PTPRD: variants seen among roughly 807,000 people sequenced by gnomAD.
PTPRD encodes the protein protein tyrosine phosphatase receptor type D, also known as receptor-type tyrosine-protein phosphatase delta.
PTPRD carries 34 observed loss-of-function variants against 214.5 expected under a neutral mutation model. The observed-to-expected ratio is 0.16, with a 90% confidence interval of 0.12 to 0.21. The LOEUF (loss-of-function observed/expected upper bound fraction) is 0.21. PTPRD is among the 10% of genes least tolerant of loss of function. PTPRD has a pLI of 1.00. For missense variants in PTPRD, 2,545 were observed against 2,398.7 expected (o/e 1.06, Z -1.27); for synonymous variants, 1,128 against 845.7 (o/e 1.33, Z -5.79).
chr9:10,412,540 G>T (rs10959097), intron 2 of PTPRD, among the ~76,000 whole-genome samples: 84,205 of 150,978 alleles, frequency 0.56, 25,963 homozygotes, highest in Non-Finnish European at 0.71. Flanking sequence ...AAAAATTGAG[G>T]CTGGACACTT....
intron 7 of PTPRD, among the ~76,000 whole-genome samples, chr9:9,592,403 A>C (rs945742494): frequency 6.6e-6 from 1 of 152,104 alleles, no homozygotes; most frequent in Non-Finnish European, 1.5e-5. Context: ...ATGTATGCTT[A>C]TATGTTCATA....
chr9:9,420,694 C>T (rs568238411), intron 8 of PTPRD, among the ~76,000 whole-genome samples: 1 of 151,840 alleles, frequency 6.6e-6, no homozygotes, highest in African/African-American at 2.4e-5. Flanking sequence ...GTACTCACCT[C>T]TGCATGTATA....
chr9:8,696,732 C>T (rs1170962852), intron 12 of PTPRD, among the ~76,000 whole-genome samples: 1 of 152,182 alleles, frequency 6.6e-6, no homozygotes, highest in Non-Finnish European at 1.5e-5. Context: ...GCTAGGTCAA[C>T]CAACGGCCTT....
intron 12 of PTPRD, among the ~76,000 whole-genome samples, chr9:8,638,761 A>G (rs2096504407): frequency 6.6e-6 from 1 of 152,218 alleles, no homozygotes; most frequent in African/African-American, 2.4e-5. Context: ...CATAACCTGT[A>G]GCATCTCAGT....
chr9:8,930,230 C>A (rs975027909), intron 11 of PTPRD, among the ~76,000 whole-genome samples: 5 of 151,316 alleles, frequency 3.3e-5, no homozygotes, highest in African/African-American at 1.2e-4. Context: ...TTTGTCCTTG[C>A]GATAGTTTGC....
At position 8,633,333 on chromosome 9, in the gene PTPRD, T is replaced by C. The variant is rs1564854554; in HGVS notation, c.336A>G (p.Arg112=). 2 of 1,611,722 alleles carry C rather than the reference T, an allele frequency of 1.2e-6. No homozygotes were observed. The highest frequency in any genetic ancestry group is 1.7e-6 in the Non-Finnish European group (2 of 1,178,676). ...NNVGEISVST[R]LTVLREDQIP... ...AGCACTTACCCCGCAAAACTGTGAG[T>C]CTGGTGGATACACTTATTTCTCCCA... is the stretch of plus-strand genomic sequence containing the variant. Residue 112 remains arginine (R), a synonymous_variant, in exon 14 of 46, where the codon AGA becomes AGG. Coordinates refer to ENST00000381196, the MANE Select transcript of PTPRD (RefSeq NM_002839.4).
At chr9:8,745,218 T>C (rs1290783626) in intron 11 of PTPRD, among the ~76,000 whole-genome samples, 2 of 152,150 alleles carry the variant, frequency 1.3e-5, no homozygotes, top group Non-Finnish European at 2.9e-5. Flanking sequence ...ATTAATAACC[T>C]CAAAATGCAC....
chr9:10,207,374 G>T (rs1166204440), intron 3 of PTPRD, among the ~76,000 whole-genome samples: 1 of 152,042 alleles, frequency 6.6e-6, no homozygotes, highest in Non-Finnish European at 1.5e-5. Flanking sequence ...ACATTGGTCT[G>T]TAATTTCATT....
chr9:8,339,200 C>G (rs1318970619), intron 42 of PTPRD, among the ~76,000 whole-genome samples, 153 bp from the exon 43 acceptor site: 1 of 152,132 alleles, frequency 6.6e-6, no homozygotes, highest in African/African-American at 2.4e-5. Flanking sequence ...CTCATTTCCT[C>G]TTAGAAACCA....
At chr9:10,396,333 A>C (rs1031102158) in intron 2 of PTPRD, among the ~76,000 whole-genome samples, 1 of 151,932 alleles carries the variant, frequency 6.6e-6, no homozygotes, top group African/African-American at 2.4e-5. Flanking sequence ...TTTAGGAGGG[A>C]GATGCTGAGG....
chr9:9,181,488 A>C (rs966564849), intron 10 of PTPRD, among the ~76,000 whole-genome samples: 4 of 151,984 alleles, frequency 2.6e-5, no homozygotes, highest in Non-Finnish European at 4.4e-5. Context: ...AATAAAAATA[A>C]CAATAATAAC....
At chr9:10,205,347 T>G (rs1415021735) in intron 3 of PTPRD, among the ~76,000 whole-genome samples, 1 of 151,784 alleles carries the variant, frequency 6.6e-6, no homozygotes, top group Non-Finnish European at 1.5e-5. Flanking sequence ...TTCCTTTTTG[T>G]GGCCACAATT....
intron 4 of PTPRD, among the ~76,000 whole-genome samples, chr9:10,030,458 G>A (rs1217003): frequency 0.45 from 67,927 of 152,032 alleles, 18,526 homozygotes; most frequent in African/African-American, 0.76. Flanking sequence ...AGGAGTACCT[G>A]TTGGTTTGAG....
rs1318559900 is a variant in PTPRD at position 10,156,621 on chromosome 9, T to C, written c.-544-122831A>G. On this transcript the variant is annotated intron_variant, in intron 3 of 45. Coordinates refer to ENST00000381196, the MANE Select transcript of PTPRD (RefSeq NM_002839.4). ...AACAGTGTGTATTCTTGTTTTGGGG[T>C]AGAGAGTTGTGTAGATGTCTATCAG... is the stretch of plus-strand genomic sequence containing the variant. Among the ~76,000 whole-genome samples the C allele has an allele frequency of 2.0e-5, 3 of 152,298 alleles. No homozygotes were observed. In the East Asian group the frequency reaches 5.8e-4, roughly 29 times the overall value.
At chr9:9,964,517 T>A (rs1272514934) in intron 4 of PTPRD, among the ~76,000 whole-genome samples, 1 of 152,060 alleles carries the variant, frequency 6.6e-6, no homozygotes, top group Admixed American at 6.6e-5. Flanking sequence ...AAGCAGAAAA[T>A]TTTACCTTAA....
intron 14 of PTPRD, among the ~76,000 whole-genome samples, chr9:8,615,346 C>T (rs1285480096): frequency 6.6e-6 from 1 of 152,060 alleles, no homozygotes; most frequent in African/African-American, 2.4e-5. Context: ...ATAGTAAGTA[C>T]ACCAAGCACT....
intron 14 of PTPRD, among the ~76,000 whole-genome samples, chr9:8,586,224 C>T (rs569961755): frequency 6.5e-4 from 92 of 142,132 alleles, no homozygotes; most frequent in Non-Finnish European, 1.1e-3. Context: ...TGCTAGAACC[C>T]GGGAGGTGGA....
At chr9:10,195,098 A>ATTTTTTTTTTTTTTTTTTT (rs34900305) in intron 3 of PTPRD, among the ~76,000 whole-genome samples, 10 of 97,910 alleles carry the variant, frequency 1.0e-4, no homozygotes, top group East Asian at 3.1e-4. Flanking sequence ...ATACCCGGCT[A>ATTTTTTTTTTTTTTTTTTT]TTTTTTTTTT....
In PTPRD at chr9:8,518,343, G is replaced by A. The variant is rs374442437; in HGVS notation, c.1048C>T (p.Pro350Ser). The A allele has an allele frequency of 3.1e-5, 50 of 1,614,000 alleles. 1 individual carries two copies. The highest frequency in any genetic ancestry group is 2.5e-5 in the Non-Finnish European group (29 of 1,180,030). Residue 350 changes from proline to serine, a missense_variant, in exon 21 of 46, where the codon CCT becomes TCT. By Grantham distance (74) the Pro-to-Ser change is moderately conservative. Coordinates refer to ENST00000381196, the MANE Select transcript of PTPRD (RefSeq NM_002839.4). ...TGCTGAATTATGTAATAAGAAACAG[G>A]CTCAGGGTTCCCAGAGTCCCACGTC... ...TLTWDSGNPE[P>S]VSYYIIQHKP...
Sources: allele counts gnomAD v4.1 joint callset (sites outside exome capture counted in the v4.1 genomes callset), GRCh38; gene constraint gnomAD v4.1.1; transcripts MANE v1.5; gene names NCBI Gene and HGNC (gene_info 2026-07-23, HGNC 2026-07-21).